The following TMEM131L variants were observed in gnomAD, a reference collection of about 807,000 sequenced individuals.
TMEM131L encodes the protein transmembrane 131 like.
A neutral mutation model predicts 192.2 loss-of-function variants in TMEM131L; 54 were observed. The observed-to-expected ratio is 0.28, with a 90% CI of 0.23 to 0.35. The LOEUF (loss-of-function observed/expected upper bound fraction) is 0.35. Among genes scored for constraint, TMEM131L ranks in the 10% least tolerant of loss-of-function variants. The pLI, the probability that TMEM131L is intolerant of heterozygous loss-of-function variation, is 1.00. For synonymous variants in TMEM131L, 701 were observed against 704.9 expected (o/e 0.99, Z 0.09); for missense variants, 1,888 against 1,972.9 (o/e 0.96, Z 0.82).
Position 153,626,201 on chromosome 4 carries a change from T to A in TMEM131L, c.4100T>A (p.Leu1367His). The change falls in exon 30 of 35, where the codon CTT becomes CAT. Residue 1367 changes from leucine (L) to histidine (H), a missense_variant. Physicochemically the swap from Leu to His is moderately conservative, Grantham distance 99 (BLOSUM62 -3). Transcript: ENST00000409959. Reference sequence around the variant, plus strand: ...TCTGAAGCTCCCATCTCCTTGAATCTTTCTCATAACATCTGCAATCCCATG... The same window carrying A: ...TCTGAAGCTCCCATCTCCTTGAATCATTCTCATAACATCTGCAATCCCATG... ...FPSEAPISLN[L>H]SHNICNPMTV... 1.2e-6 allele frequency: 2 copies of A among 1,611,124 alleles called. No individual in the cohort carries two copies. The highest frequency in any genetic ancestry group is 1.7e-6 in the Non-Finnish European group (2 of 1,177,364).
intron 3 of TMEM131L, among the ~76,000 whole-genome samples, chr4:153,496,170 A>G (rs1733156462): frequency 6.6e-6 from 1 of 152,224 alleles, no homozygotes; most frequent in Non-Finnish European, 1.5e-5. Context: ...ACGGATAGGA[A>G]TTCTTTAGAA....
chr4:153,597,751 G>C (rs971209688), intron 20 of TMEM131L, among the ~76,000 whole-genome samples: 3 of 152,060 alleles, frequency 2.0e-5, no homozygotes, highest in African/African-American at 7.2e-5. Flanking sequence ...TGGGCAATGT[G>C]GTGAAACCTC....
intron 20 of TMEM131L, 65 bp from the exon 21 acceptor site, chr4:153,598,524 AT>A (rs1362122245): frequency 7.5e-7 from 1 of 1,325,222 alleles, no homozygotes; most frequent in East Asian, 2.5e-5. Context: ...GAATATTTAA[AT>A]TTAAGTACAT....
At chr4:153,480,043 A>G (rs1167702761) in intron 3 of TMEM131L, among the ~76,000 whole-genome samples, 3 of 152,224 alleles carry the variant, frequency 2.0e-5, no homozygotes, top group Non-Finnish European at 4.4e-5. Flanking sequence ...CGTCTCTACT[A>G]AAAATACAAA....
chr4:153,500,983 TA>T (rs902481436), intron 3 of TMEM131L, among the ~76,000 whole-genome samples: 30 of 151,516 alleles, frequency 2.0e-4, no homozygotes, highest in African/African-American at 6.0e-4. Context: ...ATAATAGAGT[TA>T]AAAAAAAATT....
Position 153,585,523 on chromosome 4 carries a change from T to C in TMEM131L, c.1223T>C (p.Leu408Pro), listed in dbSNP as rs1730643223. 1 of 1,613,930 alleles carries C rather than the reference T, an allele frequency of 6.2e-7. No homozygotes were observed. Among genetic ancestry groups the C allele is most frequent in the Non-Finnish European group, 8.5e-7 (1 of 1,179,942 alleles). ...GAGACTCATGAGAACACATCAGGACTTTGGTCAATATGGTACCGCAACCAT... is the reference window on the plus strand; with the variant it reads ...GAGACTCATGAGAACACATCAGGACCTTGGTCAATATGGTACCGCAACCAT... ...HIETHENTSGLWSIWYRNHFD... is the reference protein window; with the variant it reads ...HIETHENTSGPWSIWYRNHFD... The change falls in exon 13 of 35, where the codon CTT (leucine) becomes CCT (proline). Residue 408 changes from leucine to proline, a missense_variant. By Grantham distance (98) the Leu-to-Pro change is moderately conservative. Coordinates refer to ENST00000409959, the MANE Select transcript of TMEM131L (RefSeq NM_001131007.2).
At chr4:153,474,618 T>G (rs2149746315) in intron 3 of TMEM131L, among the ~76,000 whole-genome samples, 1 of 152,304 alleles carries the variant, frequency 6.6e-6, no homozygotes, top group Non-Finnish European at 1.5e-5. Context: ...TACAGTGGTA[T>G]GATCCTGGTT....
intron 15 of TMEM131L, among the ~76,000 whole-genome samples, chr4:153,588,043 T>G (rs1164363447): frequency 3.1e-5 from 3 of 95,986 alleles, no homozygotes; most frequent in African/African-American, 1.9e-4. Context: ...CCGCAAGGGT[T>G]TTTTTTTTTT....
intron 3 of TMEM131L, among the ~76,000 whole-genome samples, chr4:153,535,827 C>G (rs1736277125): frequency 6.6e-6 from 1 of 152,008 alleles, no homozygotes; most frequent in Non-Finnish European, 1.5e-5. Context: ...TGGTATTTGC[C>G]TTCTCATTTT....
intron 10 of TMEM131L, 84 bp downstream of exon 10, chr4:153,583,332 G>T: frequency 1.2e-6 from 1 of 839,122 alleles, no homozygotes. Context: ...TTCAGGAACA[G>T]AGACAGAAGC....
At chr4:153,617,586 A>G (rs897064483) in intron 26 of TMEM131L, among the ~76,000 whole-genome samples, 1 of 152,212 alleles carries the variant, frequency 6.6e-6, no homozygotes, top group East Asian at 1.9e-4. Flanking sequence ...TAGAAGGCTG[A>G]AAAACACAAA....
intron 3 of TMEM131L, among the ~76,000 whole-genome samples, chr4:153,490,421 C>T (rs1470910868): frequency 6.6e-6 from 1 of 152,168 alleles, no homozygotes; most frequent in African/African-American, 2.4e-5. Context: ...GGCACTTGCT[C>T]TCTAGTCCTT....
intron 7 of TMEM131L, among the ~76,000 whole-genome samples, chr4:153,574,152 A>T (rs1469349728): frequency 6.6e-6 from 1 of 152,174 alleles, no homozygotes; most frequent in Admixed American, 6.5e-5. Flanking sequence ...TTCTAAAATG[A>T]TGTGGATAAG....
intron 3 of TMEM131L, among the ~76,000 whole-genome samples, chr4:153,541,154 AATGGGAGTTGGAGTAAGGAGAAAGTTGGG>A (rs1736750834): frequency 6.6e-6 from 1 of 152,196 alleles, no homozygotes; most frequent in Non-Finnish European, 1.5e-5. Flanking sequence ...AGAAAGTTGG[AATGGGAGTTGGAGTAAGGAGAAAGTTGGG>A]ATGGGAGTTG....
chr4:153,471,356 G>A (rs1731148332), intron 2 of TMEM131L, among the ~76,000 whole-genome samples: 1 of 152,070 alleles, frequency 6.6e-6, no homozygotes, highest in Admixed American at 6.5e-5. Context: ...TTGAGGGGCT[G>A]GGCTGCTAAG....
intron 7 of TMEM131L, among the ~76,000 whole-genome samples, chr4:153,578,346 A>G (rs1730098743): frequency 6.6e-6 from 1 of 151,988 alleles, no homozygotes; most frequent in Non-Finnish European, 1.5e-5. Context: ...CAGCCTGGGC[A>G]GTATAACAAG....
intron 15 of TMEM131L, among the ~76,000 whole-genome samples, chr4:153,588,630 T>C (rs1030461824): frequency 6.6e-6 from 1 of 152,182 alleles, no homozygotes; most frequent in Non-Finnish European, 1.5e-5. Flanking sequence ...TCAGGCTGTA[T>C]TCATGAGCCA....
intron 7 of TMEM131L, among the ~76,000 whole-genome samples, chr4:153,564,957 G>T (rs1264660115): frequency 6.6e-6 from 1 of 152,120 alleles, no homozygotes; most frequent in African/African-American, 2.4e-5. Context: ...ATCATTCCCG[G>T]AACATGCCAT....
At chr4:153,548,138 C>T (rs1370127392) in intron 3 of TMEM131L, among the ~76,000 whole-genome samples, 3 of 152,070 alleles carry the variant, frequency 2.0e-5, no homozygotes, top group Non-Finnish European at 4.4e-5. Flanking sequence ...TTCTTCACGT[C>T]GTTTCCGGAG....
Sources: gnomAD v4.1 joint callset for allele counts (sites outside exome capture counted in the v4.1 genomes callset) on GRCh38, gnomAD v4.1.1 for gene constraint, MANE v1.5 for transcripts, NCBI Gene and HGNC (gene_info 2026-07-23, HGNC 2026-07-21) for gene names.